CHST11: variants seen among roughly 807,000 people sequenced by gnomAD.
CHST11 encodes C4S-1.
Under a neutral mutation model 30.4 loss-of-function variants are expected in CHST11, and 9 were observed. The observed-to-expected ratio is 0.30, with a 90% CI of 0.18 to 0.52. The LOEUF (loss-of-function observed/expected upper bound fraction) is 0.52. Among genes scored for constraint, CHST11 ranks in the 20% least tolerant of loss-of-function variants. CHST11 has a pLI of 0.97. For missense variants in CHST11, 348 were observed against 460.6 expected, an observed-to-expected ratio of 0.76 and a Z score of 2.24; for synonymous variants, 152 against 187.8, an observed-to-expected ratio of 0.81 and a Z score of 1.56.
intron 1 of CHST11, among the ~76,000 whole-genome samples, chr12:104,513,127 G>GTGGA (rs1456478436): frequency 9.3e-6 from 1 of 107,778 alleles, no homozygotes; most frequent in Non-Finnish European, 1.9e-5. Flanking sequence ...CATGACTGGG[G>GTGGA]GGGGGGGGGG....
chr12:104,488,770 TGTC>T (rs2037716342), intron 1 of CHST11, among the ~76,000 whole-genome samples: 3 of 151,048 alleles, frequency 2.0e-5, no homozygotes, highest in Non-Finnish European at 1.5e-5. Context: ...TGTGTGTGTG[TGTC>T]TATACACATA....
At chr12:104,746,106 C>T (rs1487276595) in intron 2 of CHST11, among the ~76,000 whole-genome samples, 2 of 152,144 alleles carry the variant, frequency 1.3e-5, no homozygotes, top group South Asian at 2.1e-4. Flanking sequence ...GAAATTGAAA[C>T]ATCTCGAAAG....
At chr12:104,724,252 G>A (rs960518721) in intron 2 of CHST11, among the ~76,000 whole-genome samples, 9 of 152,084 alleles carry the variant, frequency 5.9e-5, no homozygotes, top group Non-Finnish European at 1.0e-4. Flanking sequence ...TGTATCTGAC[G>A]GCACCCGGAG....
At chr12:104,650,966 A>G (rs2039484520) in intron 2 of CHST11, among the ~76,000 whole-genome samples, 1 of 152,232 alleles carries the variant, frequency 6.6e-6, no homozygotes, top group South Asian at 2.1e-4. Context: ...GGTTGTTGCA[A>G]GTGTTAAATG....
At chr12:104,643,969 G>A (rs942205089) in intron 2 of CHST11, among the ~76,000 whole-genome samples, 2 of 152,176 alleles carry the variant, frequency 1.3e-5, no homozygotes, top group African/African-American at 4.8e-5. Context: ...GAGTTTAGGG[G>A]TGCAGTTAGC....
At chr12:104,567,109 G>A (rs1443561011) in intron 1 of CHST11, among the ~76,000 whole-genome samples, 1 of 152,134 alleles carries the variant, frequency 6.6e-6, no homozygotes, top group African/African-American at 2.4e-5. Context: ...ACTTGTTGCT[G>A]TCTCTAAAGA....
At chr12:104,715,569 C>G (rs2040124177) in intron 2 of CHST11, among the ~76,000 whole-genome samples, 1 of 152,168 alleles carries the variant, frequency 6.6e-6, no homozygotes, top group African/African-American at 2.4e-5. Flanking sequence ...TATAGATGTG[C>G]AAGTTTGGAC....
chr12:104,573,992 A>G (rs1353723357), intron 1 of CHST11, among the ~76,000 whole-genome samples: 1 of 152,254 alleles, frequency 6.6e-6, no homozygotes, highest in African/African-American at 2.4e-5. Context: ...AGAATCTACA[A>G]TGAACTCAAA....
intron 2 of CHST11, among the ~76,000 whole-genome samples, chr12:104,756,093 C>A (rs996742055): frequency 4.6e-5 from 7 of 152,142 alleles, no homozygotes; most frequent in Admixed American, 1.3e-4. Flanking sequence ...TAGCCCTGTG[C>A]CCCCAGTTTC....
intron 1 of CHST11, among the ~76,000 whole-genome samples, chr12:104,565,258 A>ATTTTTTTTTTTTT (rs66825272): frequency 1.4e-5 from 1 of 72,916 alleles, no homozygotes; most frequent in Non-Finnish European, 2.5e-5. Context: ...GTTTTCTAGG[A>ATTTTTTTTTTTTT]TTTTTTTTTT....
At chr12:104,499,764 G>A (rs1014348460) in intron 1 of CHST11, among the ~76,000 whole-genome samples, 1 of 152,096 alleles carries the variant, frequency 6.6e-6, no homozygotes. Flanking sequence ...GGCTGCCTCC[G>A]GTCCTCAGTG....
Position 104,757,850 on chromosome 12 carries a change from T to G in CHST11, c.*47T>G. 6.6e-7 allele frequency: 1 copy of G among 1,526,248 alleles called. No homozygotes were observed. The highest frequency in any genetic ancestry group is 1.3e-5 in the South Asian group (1 of 79,470). 94.5% of individuals were successfully genotyped at this position (1,526,248 alleles called of 1,614,324 possible). A position where few individuals can be genotyped will look rare whatever the true frequency, so the allele number is the denominator to read the frequency against. The stretch of plus-strand genomic sequence containing the variant: ...AATCATGCTTTTTAATTTAAGATTT[T>G]TATTTGTCAAAAGAATTATATGGAT... On this transcript the variant is annotated 3_prime_UTR_variant, in exon 3 of 3. Transcript: ENST00000303694. This position sits in a 1 kb window ranked among gnomAD's most constrained non-coding sequence, Gnocchi z 6.5.
intron 2 of CHST11, among the ~76,000 whole-genome samples, chr12:104,682,626 T>C (rs2039807839): frequency 6.6e-6 from 1 of 152,254 alleles, no homozygotes; most frequent in Admixed American, 6.5e-5. Flanking sequence ...CTGGTGTTTA[T>C]GGTCTTGTTT....
intron 2 of CHST11, among the ~76,000 whole-genome samples, chr12:104,725,525 T>A (rs1047988373): frequency 4.6e-5 from 7 of 151,968 alleles, no homozygotes; most frequent in Non-Finnish European, 1.0e-4. Flanking sequence ...ATTTTTTTTT[T>A]TTTTTTTAAT....
intron 1 of CHST11, among the ~76,000 whole-genome samples, chr12:104,543,859 A>G (rs1046866419): frequency 4.6e-5 from 7 of 152,080 alleles, no homozygotes; most frequent in African/African-American, 1.5e-4. Flanking sequence ...CAGGGCATGG[A>G]GGTATGCACC....
intron 1 of CHST11, among the ~76,000 whole-genome samples, chr12:104,546,477 AAAG>A (rs763697172): frequency 0.017 from 597 of 35,610 alleles, 3 homozygotes; most frequent in East Asian, 0.09. Context: ...AAAAAAAAAA[AAAG>A]ATTTAAATTT....
intron 1 of CHST11, among the ~76,000 whole-genome samples, chr12:104,461,164 G>A (rs535484994): frequency 6.6e-6 from 1 of 152,228 alleles, no homozygotes; most frequent in African/African-American, 2.4e-5. Context: ...AACTAATCAG[G>A]CGCCAGACAG....
chr12:104,461,357 AACCATAT>A (rs1268918995), intron 1 of CHST11, among the ~76,000 whole-genome samples: 4 of 152,220 alleles, frequency 2.6e-5, no homozygotes, highest in Non-Finnish European at 2.9e-5. Flanking sequence ...GGGAGAATGG[AACCATAT>A]ACCTGTGATT....
intron 1 of CHST11, among the ~76,000 whole-genome samples, chr12:104,488,627 A>G (rs1234367408): frequency 3.3e-5 from 4 of 122,578 alleles, no homozygotes; most frequent in South Asian, 2.8e-4. Context: ...GTGTGCATGT[A>G]TGTGTGTGTG....
Sources: allele counts gnomAD v4.1 joint callset (sites outside exome capture counted in the v4.1 genomes callset), GRCh38; gene constraint gnomAD v4.1.1; non-coding constraint Gnocchi (gnomAD v3.1); transcripts MANE v1.5; gene names NCBI Gene and HGNC (gene_info 2026-07-23, HGNC 2026-07-21).